SUPT3H: variants seen among roughly 807,000 people sequenced by gnomAD.
The protein encoded by SUPT3H is transcription initiation protein SPT3 homolog.
Under a neutral mutation model 44.3 loss-of-function variants are expected in SUPT3H, and 44 were observed. That is an observed-to-expected ratio of 0.99 (90% CI 0.78 to 1.28). SUPT3H has a LOEUF of 1.28. Ranked by LOEUF, SUPT3H falls within the 50% of genes most tolerant of loss-of-function variation. The pLI, the probability that SUPT3H is intolerant of heterozygous loss-of-function variation, is 0.00. For missense variants in SUPT3H, 380 were observed against 387.1 expected, an observed-to-expected ratio of 0.98 and a Z score of 0.15; for synonymous variants, 124 against 125.6, an observed-to-expected ratio of 0.99 and a Z score of 0.09.
chr6:44,829,966 C>A (rs989756699), intron 10 of SUPT3H, 109 bp from the exon 11 acceptor site: 116 of 956,864 alleles, frequency 1.2e-4, no homozygotes, highest in Non-Finnish European at 1.7e-4. Flanking sequence ...CTGCTGGCTA[C>A]AATCTAATAG....
At chr6:45,302,735 C>T (rs2149935491) in intron 2 of SUPT3H, among the ~76,000 whole-genome samples, 1 of 151,956 alleles carries the variant, frequency 6.6e-6, no homozygotes, top group East Asian at 1.9e-4. Flanking sequence ...AATAGTAGTT[C>T]CATTTTTAGT....
chr6:45,130,711 A>AACT, intron 2 of SUPT3H, among the ~76,000 whole-genome samples: 1 of 56,214 alleles, frequency 1.8e-5, no homozygotes, highest in Non-Finnish European at 3.9e-5. Context: ...AAAAAAAACC[A>AACT]CTTTTTTTTT....
intron 6 of SUPT3H, among the ~76,000 whole-genome samples, chr6:44,970,303 C>T (rs1351142984): frequency 6.6e-6 from 1 of 151,956 alleles, no homozygotes; most frequent in Non-Finnish European, 1.5e-5. Flanking sequence ...TAAAATATTT[C>T]CCATCTTGGG....
At chr6:44,809,155 GTTGT>G (rs1245706415), downstream of SUPT3H, among the ~76,000 whole-genome samples, 3 of 152,330 alleles carry the variant, frequency 2.0e-5, no homozygotes, top group African/African-American at 7.2e-5. Context: ...AGGAAATCAA[GTTGT>G]TTATTAGTCT....
intron 6 of SUPT3H, among the ~76,000 whole-genome samples, chr6:44,979,835 A>T (rs1261853002): frequency 6.6e-6 from 1 of 152,224 alleles, no homozygotes; most frequent in African/African-American, 2.4e-5. Flanking sequence ...AATTACTGTC[A>T]AACAGATTGG....
At chr6:44,904,938 T>G (rs1478875642) in intron 10 of SUPT3H, among the ~76,000 whole-genome samples, 7 of 152,106 alleles carry the variant, frequency 4.6e-5, no homozygotes, top group African/African-American at 1.7e-4. Flanking sequence ...CCTGTTAAAT[T>G]AATGGTGCTG....
chr6:45,106,055 A>G, intron 2 of SUPT3H, 49 bp from the exon 3 acceptor site: 1 of 1,401,454 alleles, frequency 7.1e-7, no homozygotes, highest in Non-Finnish European at 1.0e-6. Flanking sequence ...TAAAACTAAG[A>G]AAGGCAAAAA....
rs1443732878 is a variant in SUPT3H, at chr6:45,130,341, A to G, written c.102-24335T>C. On this transcript the variant is annotated intron_variant, in intron 2 of 10. Transcript: ENST00000371459. ...TTTTACGGGTCATCCATGTTGTAAC[A>G]TGTTATCACTACATCATCCCTTTTT... 3.9e-5 allele frequency among the ~76,000 whole-genome samples: 6 copies of G among 152,178 alleles called. No individual in the cohort carries two copies. The East Asian group carries it at 1.2e-3, about 29-fold the overall frequency.
chr6:45,155,658 G>A (rs977500835), intron 2 of SUPT3H, among the ~76,000 whole-genome samples: 1 of 152,096 alleles, frequency 6.6e-6, no homozygotes, highest in Non-Finnish European at 1.5e-5. Context: ...ACCTAAAAGA[G>A]AGCATGAAGG....
At chr6:45,349,295 G>A (rs1791553032) in intron 2 of SUPT3H, among the ~76,000 whole-genome samples, 1 of 151,938 alleles carries the variant, frequency 6.6e-6, no homozygotes, top group Admixed American at 6.6e-5. Flanking sequence ...ACTAAAATAA[G>A]GATTAAGAAA....
At chr6:45,219,438 GA>G (rs1238573766) in intron 2 of SUPT3H, among the ~76,000 whole-genome samples, 1 of 149,940 alleles carries the variant, frequency 6.7e-6, no homozygotes, top group Non-Finnish European at 1.5e-5. Flanking sequence ...CACCAGGAAT[GA>G]AAAAAACGAC....
At chr6:45,084,124 C>CA (rs1026883443) in intron 3 of SUPT3H, among the ~76,000 whole-genome samples, 8 of 151,746 alleles carry the variant, frequency 5.3e-5, no homozygotes, top group Admixed American at 1.3e-4. Flanking sequence ...AAGCGCAACA[C>CA]AAAAAAAATT....
intron 2 of SUPT3H, among the ~76,000 whole-genome samples, chr6:45,276,583 T>C (rs1246923660): frequency 6.6e-6 from 1 of 152,230 alleles, no homozygotes; most frequent in Non-Finnish European, 1.5e-5. Context: ...CATTGAACCC[T>C]AGCTGATTTT....
Position 45,128,878 on chromosome 6 carries a change from G to A in SUPT3H, c.102-22872C>T, listed in dbSNP as rs750552195. Among the ~76,000 whole-genome samples the A allele has an allele frequency of 9.1e-4, 139 of 151,922 alleles. 1 individual carries two copies. The highest frequency in any genetic ancestry group is 3.4e-3 in the Middle Eastern group (1 of 294). Reference sequence around the variant, plus strand: ...TTTTTGTATTTTGAGTAGAGACAGCGTTTCACCATGTTGGCCAGGCTGGTC... The same window carrying A: ...TTTTTGTATTTTGAGTAGAGACAGCATTTCACCATGTTGGCCAGGCTGGTC... On this transcript the variant is annotated intron_variant, in intron 2 of 10. Coordinates refer to ENST00000371459, the MANE Select transcript of SUPT3H (RefSeq NM_003599.4).
intron 2 of SUPT3H, among the ~76,000 whole-genome samples, chr6:45,107,798 C>A (rs746861770): frequency 6.6e-6 from 1 of 152,146 alleles, no homozygotes; most frequent in Non-Finnish European, 1.5e-5. Flanking sequence ...TGAGAGTGAG[C>A]AGGACCAACA....
chr6:45,260,797 C>T (rs536495582), intron 2 of SUPT3H, among the ~76,000 whole-genome samples: 2 of 152,176 alleles, frequency 1.3e-5, no homozygotes, highest in Non-Finnish European at 2.9e-5. Flanking sequence ...GAACTTCTTA[C>T]CAAGCTAACA....
At chr6:45,061,067 A>C (rs1477633740) in intron 3 of SUPT3H, among the ~76,000 whole-genome samples, 2 of 152,168 alleles carry the variant, frequency 1.3e-5, no homozygotes, top group Non-Finnish European at 2.9e-5. Context: ...AAGCAGAAAC[A>C]CCATTTGACC....
intron 3 of SUPT3H, among the ~76,000 whole-genome samples, chr6:45,067,484 G>A (rs1006019984): frequency 3.4e-5 from 5 of 147,950 alleles, no homozygotes; most frequent in African/African-American, 1.2e-4. Context: ...AAACTAAAGA[G>A]CTTCTGCACA....
chr6:44,889,014 C>T (rs538393442), intron 10 of SUPT3H, among the ~76,000 whole-genome samples: 4 of 146,030 alleles, frequency 2.7e-5, no homozygotes, highest in Non-Finnish European at 6.0e-5. Flanking sequence ...CTCCCATGCA[C>T]AATTGCTTCA....
Sources: gnomAD v4.1 joint callset for allele counts (sites outside exome capture counted in the v4.1 genomes callset) on GRCh38, gnomAD v4.1.1 for gene constraint, MANE v1.5 for transcripts, NCBI Gene and HGNC (gene_info 2026-07-23, HGNC 2026-07-21) for gene names.